The following MGAT4C variants were observed in gnomAD, a reference collection of about 807,000 sequenced individuals.
MGAT4C encodes the protein alpha-1,3-mannosyl-glycoprotein 4-beta-N-acetylglucosaminyltransferase C.
MGAT4C carries 19 observed loss-of-function variants against 40.1 expected under a neutral mutation model. That is an observed-to-expected ratio of 0.47 (90% CI 0.33 to 0.70). The LOEUF is 0.70. Among genes scored for constraint, MGAT4C ranks in the 30% least tolerant of loss-of-function variants. The pLI is 0.02. For synonymous variants in MGAT4C, 181 were observed against 187.1 expected (o/e 0.97, Z 0.27); for missense variants, 491 against 563.2 (o/e 0.87, Z 1.30).
Position 85,975,233 on chromosome 12 carries a change from G to A in MGAT4C, c.*4056C>T, listed in dbSNP as rs1039126435. On this transcript the variant is annotated 3_prime_UTR_variant, in exon 5 of 5. Coordinates refer to ENST00000611864, the MANE Select transcript of MGAT4C (RefSeq NM_001351288.2). The stretch of plus-strand genomic sequence containing the variant: ...TCTCTGGACAAAATATGAAAAGGTA[G>A]GCTGAATAACATTTTTAAAGGGCAG... 1 of 150,906 alleles carries A rather than the reference G, an allele frequency of 6.6e-6. No homozygotes were observed. Among genetic ancestry groups the A allele is most frequent in the Non-Finnish European group, 1.5e-5 (1 of 67,164 alleles). The allele number at this position is 150,906 out of a possible 1,614,324, so 9.3% of individuals were successfully genotyped here. A position where few individuals can be genotyped will look rare whatever the true frequency, so the allele number is the denominator to read the frequency against.
intron 1 of MGAT4C, among the ~76,000 whole-genome samples, chr12:86,234,975 C>G (rs1493408): frequency 0.82 from 123,985 of 151,998 alleles, 50,701 homozygotes; most frequent in East Asian, 0.95. Context: ...TACTTGGGCT[C>G]TCTTGCTTCA....
chr12:86,524,294 A>G (rs1958843803), intron 2 of MGAT4C, among the ~76,000 whole-genome samples: 1 of 152,170 alleles, frequency 6.6e-6, no homozygotes, highest in Non-Finnish European at 1.5e-5. Context: ...GGTGCTAACA[A>G]ATGTCCTCAG....
chr12:86,380,909 T>G (rs965690259), intron 3 of MGAT4C, among the ~76,000 whole-genome samples: 20 of 152,182 alleles, frequency 1.3e-4, no homozygotes, highest in African/African-American at 4.8e-4. Flanking sequence ...AGACATTTAT[T>G]TCCTCTTTTG....
At chr12:86,412,205 C>CTTCCT (rs1168291254) in intron 3 of MGAT4C, among the ~76,000 whole-genome samples, 12 of 152,220 alleles carry the variant, frequency 7.9e-5, no homozygotes, top group Admixed American at 7.2e-4. Flanking sequence ...ACAGATTCCC[C>CTTCCT]ACTGGGGCAC....
chr12:86,325,782 C>A (rs1361838157), intron 4 of MGAT4C, among the ~76,000 whole-genome samples: 2 of 151,942 alleles, frequency 1.3e-5, no homozygotes, highest in Non-Finnish European at 2.9e-5. Context: ...GAGGCTGAAG[C>A]GGGAGGGTCA....
intron 4 of MGAT4C, among the ~76,000 whole-genome samples, chr12:86,286,394 T>A (rs1299337064): frequency 6.6e-6 from 1 of 152,138 alleles, no homozygotes; most frequent in African/African-American, 2.4e-5. Context: ...TCAAAATTGG[T>A]AGTACTTATA....
chr12:86,328,521 C>T (rs141921093), intron 4 of MGAT4C, among the ~76,000 whole-genome samples: 2,138 of 152,016 alleles, frequency 0.014, 23 homozygotes, highest in Middle Eastern at 0.027. Context: ...TATTTCTATA[C>T]AGCAACAATA....
chr12:86,016,756 AT>A (rs923940078), intron 2 of MGAT4C, among the ~76,000 whole-genome samples: 26 of 148,272 alleles, frequency 1.8e-4, no homozygotes, highest in East Asian at 4.0e-4. Context: ...CTATGTGTAA[AT>A]TTTTTTTTTT....
intron 1 of MGAT4C, among the ~76,000 whole-genome samples, chr12:86,729,340 C>T (rs1950873013): frequency 6.6e-6 from 1 of 151,836 alleles, no homozygotes; most frequent in Non-Finnish European, 1.5e-5. Flanking sequence ...ATATATACAC[C>T]TACTATGTAT....
intron 2 of MGAT4C, among the ~76,000 whole-genome samples, chr12:86,513,025 T>C (rs1398080593): frequency 6.6e-6 from 1 of 152,268 alleles, no homozygotes; most frequent in East Asian, 1.9e-4. Context: ...TGCTACACAC[T>C]AGTTATTTAT....
intron 1 of MGAT4C, among the ~76,000 whole-genome samples, chr12:86,752,636 A>G (rs1353731378): frequency 3.9e-5 from 6 of 152,084 alleles, no homozygotes; most frequent in Admixed American, 6.6e-5. Context: ...AACATAGGAT[A>G]TCTCTCAATT....
chr12:86,285,593 T>A, intron 4 of MGAT4C, among the ~76,000 whole-genome samples: 1 of 152,064 alleles, frequency 6.6e-6, no homozygotes, highest in Admixed American at 6.5e-5. Context: ...AGCAACACAT[T>A]TGCATATTAT....
chr12:86,691,597 T>C (rs1007555524), intron 2 of MGAT4C, among the ~76,000 whole-genome samples: 1 of 149,152 alleles, frequency 6.7e-6, no homozygotes, highest in Non-Finnish European at 1.5e-5. Context: ...CTAAATTGAA[T>C]TAAGATAGAC....
At chr12:86,062,172 G>A (rs1398712033) in intron 1 of MGAT4C, among the ~76,000 whole-genome samples, 2 of 152,204 alleles carry the variant, frequency 1.3e-5, no homozygotes, top group African/African-American at 2.4e-5. Context: ...AGCTTCCAGA[G>A]AAAGTAACAG....
chr12:86,514,200 G>A (rs1440440300), intron 2 of MGAT4C, among the ~76,000 whole-genome samples: 1 of 151,988 alleles, frequency 6.6e-6, no homozygotes, highest in East Asian at 1.9e-4. Context: ...TTAGTTAACT[G>A]AGCAGAAATT....
At chr12:86,745,234 G>A (rs1593169209) in intron 1 of MGAT4C, 2 of 151,540 alleles carry the variant, frequency 1.3e-5, no homozygotes, top group Admixed American at 6.6e-5. Context: ...CTTTTAAAAT[G>A]ATATGGAAGG....
At chr12:86,068,689 A>G (rs1419480690) in intron 1 of MGAT4C, among the ~76,000 whole-genome samples, 5 of 151,844 alleles carry the variant, frequency 3.3e-5, no homozygotes, top group East Asian at 1.9e-4. Flanking sequence ...GCTTGTGCCA[A>G]TCTAATCTAT....
chr12:86,699,604 C>T (rs1016258982), intron 2 of MGAT4C, among the ~76,000 whole-genome samples: 2 of 152,030 alleles, frequency 1.3e-5, no homozygotes, highest in Non-Finnish European at 2.9e-5. Flanking sequence ...AAAAAAACTG[C>T]ATGTAAGTTT....
chr12:86,125,560 TG>T (rs1344261595), intron 1 of MGAT4C, among the ~76,000 whole-genome samples: 1 of 152,020 alleles, frequency 6.6e-6, no homozygotes, highest in Non-Finnish European at 1.5e-5. Flanking sequence ...CAAATAAGAA[TG>T]GCAAACAGTA....
Sources: allele counts gnomAD v4.1 joint callset (sites outside exome capture counted in the v4.1 genomes callset), GRCh38; gene constraint gnomAD v4.1.1; transcripts MANE v1.5; gene names NCBI Gene and HGNC (gene_info 2026-07-23, HGNC 2026-07-21).